The following EYA3 variants were observed in gnomAD, a reference collection of about 807,000 sequenced individuals.
EYA3 encodes protein phosphatase EYA3.
Under a neutral mutation model 80.0 loss-of-function variants are expected in EYA3, and 39 were observed. That is an observed-to-expected ratio of 0.49 (90% CI 0.38 to 0.64). The LOEUF (loss-of-function observed/expected upper bound fraction) is 0.64, where lower values mean the gene tolerates loss of function less well. Ranked by LOEUF, EYA3 falls within the 30% of genes least tolerant of loss-of-function variation. The pLI is 0.00. For synonymous variants in EYA3, 206 were observed against 232.8 expected (o/e 0.88, Z 1.05); for missense variants, 523 against 676.1 (o/e 0.77, Z 2.51).
At chr1:27,981,882 AG>A (rs1639328352) in intron 16 of EYA3, among the ~76,000 whole-genome samples, 1 of 152,122 alleles carries the variant, frequency 6.6e-6, no homozygotes, top group African/African-American at 2.4e-5. Flanking sequence ...TATGCCATCC[AG>A]GCTGAAGTAC....
At chr1:28,060,370 T>C (rs1042981823) in intron 1 of EYA3, among the ~76,000 whole-genome samples, 4 of 152,114 alleles carry the variant, frequency 2.6e-5, no homozygotes, top group African/African-American at 9.7e-5. Flanking sequence ...AAGAAAACGC[T>C]CTATCAAGTT....
At chr1:28,060,345 T>C (rs1273427277) in intron 1 of EYA3, among the ~76,000 whole-genome samples, 2 of 152,192 alleles carry the variant, frequency 1.3e-5, no homozygotes, top group East Asian at 3.8e-4. Context: ...AAAGGGGTCA[T>C]GGGTTTTAAA....
chr1:27,999,439 T>C (rs1486526636), intron 12 of EYA3, among the ~76,000 whole-genome samples: 1 of 152,208 alleles, frequency 6.6e-6, no homozygotes, highest in Non-Finnish European at 1.5e-5. Flanking sequence ...TTCTGGCACC[T>C]AACTATAAAA....
At position 27,971,327 on chromosome 1, in the gene EYA3, CT is replaced by C. The variant is rs1390147250; in HGVS notation, c.*3138del. 5 of 152,778 alleles carry C rather than the reference CT, an allele frequency of 3.3e-5. No individual in the cohort carries two copies. The highest frequency in any genetic ancestry group is 4.8e-5 in the African/African-American group (2 of 41,420). The allele number at this position is 152,778 out of a possible 1,614,324, so 9.5% of individuals were successfully genotyped here. ...CACAGTGCCTGGCCAGGCATGGTGG[CT>C]CATGCCTGTAATCCCAGCACTTTGG... On this transcript the variant is annotated 3_prime_UTR_variant, in exon 18 of 18. Coordinates refer to ENST00000373871, the MANE Select transcript of EYA3 (RefSeq NM_001990.4).
rs1020992633 is a variant in EYA3 at position 27,973,235 on chromosome 1, T to C, written c.*1231A>G. 1.3e-5 allele frequency: 2 copies of C among 152,180 alleles called. No homozygotes were observed. Among genetic ancestry groups the C allele is most frequent in the African/African-American group, 4.8e-5 (2 of 41,430 alleles). 9.4% of individuals were successfully genotyped at this position (152,180 alleles called of 1,614,324 possible). ...GCTTCCACAAAGGAAGTCAAATACA[T>C]TGGCAGTTTTGGCCAAAATGTAGTT... is the stretch of plus-strand genomic sequence containing the variant. On this transcript the variant is annotated 3_prime_UTR_variant, in exon 18 of 18. Transcript: ENST00000373871.
intron 11 of EYA3, among the ~76,000 whole-genome samples, chr1:28,002,367 A>G (rs1455302755): frequency 2.0e-5 from 3 of 151,606 alleles, no homozygotes; most frequent in East Asian, 3.9e-4. Flanking sequence ...AAATTTTTAT[A>G]CACATTTTGG....
intron 11 of EYA3, among the ~76,000 whole-genome samples, chr1:28,004,020 T>C (rs1641088454): frequency 6.6e-6 from 1 of 152,236 alleles, no homozygotes; most frequent in Non-Finnish European, 1.5e-5. Context: ...CTGGAATTTA[T>C]TAATATAATC....
chr1:28,015,143 T>C (rs916773418), intron 8 of EYA3, among the ~76,000 whole-genome samples: 2 of 152,222 alleles, frequency 1.3e-5, no homozygotes, highest in African/African-American at 4.8e-5. Flanking sequence ...CAATAAAATA[T>C]ATGTCAAATG....
At chr1:28,039,505 CT>C (rs1300021886) in intron 4 of EYA3, among the ~76,000 whole-genome samples, 1 of 152,176 alleles carries the variant, frequency 6.6e-6, no homozygotes, top group African/African-American at 2.4e-5. Flanking sequence ...TGATGTGATA[CT>C]CTGATGAACT....
At chr1:28,034,108 G>A (rs1163880904) in intron 6 of EYA3, among the ~76,000 whole-genome samples, 1 of 151,790 alleles carries the variant, frequency 6.6e-6, no homozygotes, top group African/African-American at 2.4e-5. Flanking sequence ...AATAGTTTAA[G>A]GGAAATATAG....
At chr1:28,042,355 T>C (rs953850174) in intron 4 of EYA3, among the ~76,000 whole-genome samples, 8 of 152,174 alleles carry the variant, frequency 5.3e-5, no homozygotes, top group African/African-American at 1.9e-4. Flanking sequence ...GGCGTGTGAC[T>C]CCTTGGGTGA....
In EYA3 at chr1:27,972,809, G is replaced by C. The variant is rs553396056; in HGVS notation, c.*1657C>G. On this transcript the variant is annotated 3_prime_UTR_variant, in exon 18 of 18. Transcript: ENST00000373871. Reference sequence around the variant, plus strand: ...GGCTGGAAGGCTGTGACTAGTGCCTGGGCACCCACCAATCTGCCCAGAGGT... The same window carrying C: ...GGCTGGAAGGCTGTGACTAGTGCCTCGGCACCCACCAATCTGCCCAGAGGT... 2 of 152,274 alleles carry C rather than the reference G, an allele frequency of 1.3e-5. No individual in the cohort carries two copies. Among genetic ancestry groups the C allele is most frequent in the Non-Finnish European group, 2.9e-5 (2 of 68,098 alleles). The allele number at this position is 152,274 out of a possible 1,614,324, so 9.4% of individuals were successfully genotyped here. A position where few individuals can be genotyped will look rare whatever the true frequency, so the allele number is the denominator to read the frequency against.
rs1443132019 is a variant in EYA3, at chr1:28,074,442, CTAATA to C, written c.-69+14077_-69+14081del. On this transcript the variant is annotated intron_variant, in intron 1 of 17. Transcript: ENST00000373871. ...ATTCTGTTAGGGCAAACCAAGTGGA[CTAATA>C]TAATATAGTTCACAAAACCTTACTT... 5.9e-5 allele frequency among the ~76,000 whole-genome samples: 9 copies of C among 151,682 alleles called. No individual in the cohort carries two copies. The East Asian group carries it at 1.5e-3, about 26-fold the overall frequency.
chr1:28,011,237 T>C, intron 9 of EYA3, 151 bp from the exon 10 acceptor site: 1 of 763,772 alleles, frequency 1.3e-6, no homozygotes, highest in Admixed American at 3.2e-5. Flanking sequence ...TTATGAAGTG[T>C]ACATCTAGGC....
intron 1 of EYA3, among the ~76,000 whole-genome samples, chr1:28,071,505 T>A (rs181868984): frequency 6.6e-6 from 1 of 152,218 alleles, no homozygotes; most frequent in Non-Finnish European, 1.5e-5. Flanking sequence ...AGAACGTTGA[T>A]AAACACATCA....
At chr1:28,043,434 TG>T (rs1231131374) in intron 3 of EYA3, among the ~76,000 whole-genome samples, 7 of 152,048 alleles carry the variant, frequency 4.6e-5, no homozygotes, top group African/African-American at 1.4e-4. Flanking sequence ...TGTGCAACAG[TG>T]CTCTGTTACC....
chr1:28,002,137 A>G (rs1019859791), intron 11 of EYA3, among the ~76,000 whole-genome samples: 3 of 151,654 alleles, frequency 2.0e-5, no homozygotes, highest in African/African-American at 7.3e-5. Context: ...CTGGTCTCGA[A>G]CTCCTGACCT....
intron 1 of EYA3, among the ~76,000 whole-genome samples, chr1:28,065,874 A>G (rs997966855): frequency 2.0e-5 from 3 of 151,874 alleles, no homozygotes; most frequent in African/African-American, 7.3e-5. Context: ...ATGGTGGCGC[A>G]TGCCTGTAAT....
At position 28,035,644 on chromosome 1, in the gene EYA3, T is replaced by C; in HGVS notation, c.261A>G (p.Glu87=). The C allele has an allele frequency of 6.2e-7, 1 of 1,614,108 alleles. No homozygotes were observed. Among genetic ancestry groups the C allele is most frequent in the Non-Finnish European group, 8.5e-7 (1 of 1,180,004 alleles). The change falls in exon 6 of 18, where the codon GAA becomes GAG. Residue 87 remains glutamate, a synonymous_variant. Coordinates refer to ENST00000373871, the MANE Select transcript of EYA3 (RefSeq NM_001990.4). ...YAHILSVPVS[E]TAYPGQTQYQ... ...ATTGAGTCTGTCCAGGGTAAGCAGT[T>C]TCCGAAACAGGAACTGAGAGAATAT... is the stretch of plus-strand genomic sequence containing the variant.
Sources: gnomAD v4.1 joint callset for allele counts (sites outside exome capture counted in the v4.1 genomes callset) on GRCh38, gnomAD v4.1.1 for gene constraint, MANE v1.5 for transcripts, NCBI Gene and HGNC (gene_info 2026-07-23, HGNC 2026-07-21) for gene names.